USP53: variants seen among roughly 807,000 people sequenced by gnomAD.
The protein encoded by USP53 is ubiquitin carboxyl-terminal hydrolase 53.
In USP53, 71 loss-of-function variants were observed where a neutral mutation model predicts 94.9. The ratio of observed to expected loss-of-function variants is 0.75; its 90% CI spans 0.62 to 0.91. The LOEUF is 0.91. USP53 is among the 40% of genes least tolerant of loss of function. The pLI, the probability that USP53 is intolerant of heterozygous loss-of-function variation, is 0.00. For missense variants in USP53, 1,173 were observed against 1,281.0 expected, an observed-to-expected ratio of 0.92 and a Z score of 1.29; for synonymous variants, 375 against 422.7, an observed-to-expected ratio of 0.89 and a Z score of 1.39.
At chr4:119,258,257 G>C (rs145466419) in intron 9 of USP53, among the ~76,000 whole-genome samples, 1 of 152,148 alleles carries the variant, frequency 6.6e-6, no homozygotes, top group Non-Finnish European at 1.5e-5. Flanking sequence ...TTTTGTAAAA[G>C]CAGTATATGC....
At chr4:119,226,991 A>G (rs1447163859) in intron 3 of USP53, among the ~76,000 whole-genome samples, 1 of 151,654 alleles carries the variant, frequency 6.6e-6, no homozygotes, top group Non-Finnish European at 1.5e-5. Flanking sequence ...ATGTGCCACC[A>G]TGCCCAGCTA....
At chr4:119,272,908 ATG>A (rs1251672183) in intron 16 of USP53, 4 of 152,308 alleles carry the variant, frequency 2.6e-5, no homozygotes, top group African/African-American at 9.6e-5. Context: ...CCTTCTAACA[ATG>A]TGTTTGTTTG....
chr4:119,242,062 G>T (rs189678804), intron 5 of USP53, among the ~76,000 whole-genome samples: 1 of 152,172 alleles, frequency 6.6e-6, no homozygotes, highest in Admixed American at 6.5e-5. Flanking sequence ...TTTTATCTTG[G>T]TCTTCTTAAA....
At chr4:119,239,972 TA>T in intron 5 of USP53, 69 bp downstream of exon 5, 2 of 1,269,716 alleles carry the variant, frequency 1.6e-6, no homozygotes, top group Non-Finnish European at 2.0e-6. Flanking sequence ...AATGCTTCTT[TA>T]GCTCATAAAT....
chr4:119,273,783 C>T (rs1209986824), intron 17 of USP53, 75 bp downstream of exon 17: 10 of 1,241,104 alleles, frequency 8.1e-6, no homozygotes, highest in African/African-American at 1.5e-5. Context: ...TATTATGTAT[C>T]TGAGAGAAAA....
At chr4:119,259,013 G>A (rs1415644219) in intron 9 of USP53, among the ~76,000 whole-genome samples, 5 of 152,194 alleles carry the variant, frequency 3.3e-5, no homozygotes, top group African/African-American at 1.2e-4. Context: ...GAGCTCAGTG[G>A]CTCACGCCTG....
intron 17 of USP53, among the ~76,000 whole-genome samples, chr4:119,279,990 G>A (rs1375235470): frequency 1.3e-5 from 2 of 152,094 alleles, no homozygotes; most frequent in East Asian, 1.9e-4. Context: ...ACTGGCCTGC[G>A]CCCACTGTCT....
chr4:119,246,272 G>A (rs1578464471), intron 6 of USP53, among the ~76,000 whole-genome samples: 1 of 152,166 alleles, frequency 6.6e-6, no homozygotes, highest in East Asian at 1.9e-4. Flanking sequence ...GATATCTGAG[G>A]TTAGGTTAGT....
chr4:119,280,065 G>C (rs944996729), intron 17 of USP53, among the ~76,000 whole-genome samples: 2 of 152,176 alleles, frequency 1.3e-5, no homozygotes, highest in African/African-American at 4.8e-5. Context: ...CGTCTTCTGC[G>C]TCGCTCACGC....
intron 3 of USP53, chr4:119,218,766 TTGAAGA>T (rs1389247082): frequency 1.3e-5 from 2 of 152,192 alleles, no homozygotes; most frequent in East Asian, 1.9e-4. Context: ...CACTATCTAC[TTGAAGA>T]TGAAGAGTTT....
chr4:119,246,828 G>A (rs901910474), intron 6 of USP53, among the ~76,000 whole-genome samples: 4 of 152,174 alleles, frequency 2.6e-5, no homozygotes, highest in South Asian at 2.1e-4. Flanking sequence ...CAACTCATTC[G>A]TGTCACTGAA....
chr4:119,279,556 T>G (rs924756677), intron 17 of USP53, among the ~76,000 whole-genome samples: 3 of 150,618 alleles, frequency 2.0e-5, no homozygotes, highest in Non-Finnish European at 4.4e-5. Context: ...GTCTTTTTGT[T>G]TGTCTGTGCC....
rs140670972 is a variant in USP53 at position 119,249,518 on chromosome 4, G to A, written c.372+636G>A. ...TTCTTCTCTCTTCTTTCTGTTTCTAGTCAGCAAAGTTTGTAAATTCTTTCA... is the reference window on the plus strand; with the variant it reads ...TTCTTCTCTCTTCTTTCTGTTTCTAATCAGCAAAGTTTGTAAATTCTTTCA... On this transcript the variant is annotated intron_variant, in intron 7 of 18. Coordinates refer to ENST00000692078, the MANE Select transcript of USP53 (RefSeq NM_001371395.1). Among the ~76,000 whole-genome samples the A allele has an allele frequency of 1.2e-4, 18 of 152,032 alleles. No homozygotes were observed. The East Asian group carries it at 1.9e-3, about 16-fold the overall frequency.
Position 119,287,521 on chromosome 4 carries a change from A to G in USP53, c.2252-3644A>G, listed in dbSNP as rs117203158. Among the ~76,000 whole-genome samples the G allele has an allele frequency of 3.1e-3, 470 of 152,300 alleles. 14 individuals are homozygous for G. The East Asian group carries it at 0.06, about 19-fold the overall frequency. ...AAAGAACACTTATTGTTTAAAAAAT[A>G]AAATCACTGCTTTAATAACTTTGTT... On this transcript the variant is annotated intron_variant, in intron 17 of 18. Transcript: ENST00000692078.
chr4:119,251,735 G>T (rs1011961117), intron 7 of USP53, among the ~76,000 whole-genome samples: 17 of 152,104 alleles, frequency 1.1e-4, no homozygotes, highest in African/African-American at 4.1e-4. Context: ...GCTTTCTCTT[G>T]CCTGATTGCC....
chr4:119,268,669 C>T (rs994196859), intron 14 of USP53, among the ~76,000 whole-genome samples: 6 of 152,154 alleles, frequency 3.9e-5, no homozygotes, highest in African/African-American at 1.4e-4. Context: ...TGGACAGTTA[C>T]CAAATAAAGC....
chr4:119,266,465 A>G (rs1056583332), intron 12 of USP53: 1 of 396,532 alleles, frequency 2.5e-6, no homozygotes, highest in Non-Finnish European at 5.0e-6. Flanking sequence ...TCGTGTTGGT[A>G]TTCTTTTTAA....
chr4:119,214,011 T>C (rs185523763), intron 1 of USP53, 59 bp from the exon 2 acceptor site: 1 of 152,186 alleles, frequency 6.6e-6, no homozygotes, highest in African/African-American at 2.4e-5. Flanking sequence ...TAACACAAAA[T>C]GTCTGTTGGA....
intron 3 of USP53, among the ~76,000 whole-genome samples, chr4:119,234,181 A>G (rs1377623531): frequency 2.0e-5 from 3 of 152,128 alleles, no homozygotes; most frequent in African/African-American, 7.2e-5. Flanking sequence ...TTTCTGTCTC[A>G]TTGCATCCTG....
Sources: gnomAD v4.1 joint callset for allele counts (sites outside exome capture counted in the v4.1 genomes callset) on GRCh38, gnomAD v4.1.1 for gene constraint, MANE v1.5 for transcripts, NCBI Gene and HGNC (gene_info 2026-07-23, HGNC 2026-07-21) for gene names.